SAMMSON: variants seen among roughly 807,000 people sequenced by gnomAD.
The protein encoded by SAMMSON is survival associated mitochondrial melanoma specific oncogenic non-coding RNA, also known as long intergenic non-protein coding RNA 1212.
intron 9 of SAMMSON, among the ~76,000 whole-genome samples, chr3:70,385,383 G>A (rs1559578043): frequency 6.6e-6 from 1 of 152,098 alleles, no homozygotes; most frequent in Non-Finnish European, 1.5e-5. Context: ...ACAGCTATTA[G>A]CCTCAGAACA....
At chr3:70,312,094 A>C (rs1164025283) in intron 7 of SAMMSON, 5 of 390,392 alleles carry the variant, frequency 1.3e-5, no homozygotes, top group Non-Finnish European at 2.3e-5. Context: ...ATAGTTTTTC[A>C]GTTCACTGTC....
At chr3:70,382,379 C>G (rs2106752492) in intron 9 of SAMMSON, among the ~76,000 whole-genome samples, 2 of 152,178 alleles carry the variant, frequency 1.3e-5, no homozygotes, top group African/African-American at 4.8e-5. Context: ...CTTAAGCACT[C>G]AGGTTACATC....
At chr3:70,410,817 C>T (rs1701212089) in intron 2 of SAMMSON, among the ~76,000 whole-genome samples, 1 of 152,130 alleles carries the variant, frequency 6.6e-6, no homozygotes, top group Non-Finnish European at 1.5e-5. Flanking sequence ...GAAGTTATTA[C>T]TAGGGCTTGC....
chr3:70,268,847 A>G (rs1478673097), intron 6 of SAMMSON, among the ~76,000 whole-genome samples: 1 of 152,212 alleles, frequency 6.6e-6, no homozygotes, highest in East Asian at 1.9e-4. Context: ...TTTTGTATCA[A>G]TAAATTTATA....
intron 4 of SAMMSON, among the ~76,000 whole-genome samples, chr3:70,155,875 C>A (rs1387698480): frequency 1.3e-5 from 2 of 151,984 alleles, no homozygotes; most frequent in African/African-American, 4.8e-5. Flanking sequence ...GGTGTTAGAG[C>A]TCCTCAAATA....
At position 70,127,851 on chromosome 3, in the gene SAMMSON, A is replaced by G. The variant is rs559601866; in HGVS notation, n.507+56286A>G. The stretch of plus-strand genomic sequence containing the variant: ...GAGATGAAGTTTCACCATGTTGGCC[A>G]GGCTGGTCGCTAACTCCTGACCTAA... On this transcript the variant is annotated intron_variant and non_coding_transcript_variant, in intron 4 of 9. Coordinates refer to ENST00000642114, the Ensembl canonical transcript of SAMMSON. 5.9e-5 allele frequency: 9 copies of G among 152,376 alleles called. No homozygotes were observed. The East Asian group carries it at 1.2e-3, about 20-fold the overall frequency. 9.4% of individuals were successfully genotyped at this position (152,376 alleles called of 1,614,324 possible). A position where few individuals can be genotyped will look rare whatever the true frequency, so the allele number is the denominator to read the frequency against.
chr3:70,113,640 A>G (rs903516538), intron 4 of SAMMSON, among the ~76,000 whole-genome samples: 6 of 152,182 alleles, frequency 3.9e-5, no homozygotes, highest in African/African-American at 1.4e-4. Flanking sequence ...TTTGGAAGTC[A>G]TATTTGGTAC....
intron 7 of SAMMSON, among the ~76,000 whole-genome samples, chr3:70,306,478 T>C (rs780478756): frequency 2.6e-5 from 4 of 152,046 alleles, no homozygotes; most frequent in Non-Finnish European, 5.9e-5. Flanking sequence ...GAAGCTATAC[T>C]TAATTCAAAA....
In SAMMSON at chr3:70,125,478, A is replaced by G; in HGVS notation, n.507+53913A>G. ...ATACATTCCGATGGCATTTCATCAG[A>G]GTCTTTTTTAATCTCTTCTGTGATG... On this transcript the variant is annotated intron_variant and non_coding_transcript_variant, in intron 4 of 9. Transcript: ENST00000642114. 3 of 777,550 alleles carry G rather than the reference A, an allele frequency of 3.9e-6. No homozygotes were observed. The South Asian group carries it at 4.6e-5, about 12-fold the overall frequency. 48.2% of individuals were successfully genotyped at this position (777,550 alleles called of 1,614,324 possible).
chr3:70,329,017 G>A (rs1702601401), intron 7 of SAMMSON, among the ~76,000 whole-genome samples: 1 of 152,058 alleles, frequency 6.6e-6, no homozygotes, highest in Non-Finnish European at 1.5e-5. Flanking sequence ...AGACAGTTGT[G>A]CAACTTTTTT....
intron 7 of SAMMSON, among the ~76,000 whole-genome samples, chr3:70,333,067 A>G (rs990777797): frequency 6.6e-6 from 1 of 152,098 alleles, no homozygotes; most frequent in Non-Finnish European, 1.5e-5. Context: ...CTTGGTCACA[A>G]ATTCCTTTAT....
chr3:70,364,080 T>C (rs1243457476), intron 9 of SAMMSON, among the ~76,000 whole-genome samples: 1 of 151,914 alleles, frequency 6.6e-6, no homozygotes, highest in Admixed American at 6.6e-5. Context: ...TTTCTATCAT[T>C]CCTACAATGT....
rs1271311109 is a variant in SAMMSON at position 70,287,679 on chromosome 3, G to A, written n.675-3500G>A. Among the ~76,000 whole-genome samples, 491 of 151,520 alleles carry A rather than the reference G, an allele frequency of 3.2e-3. 6 individuals carry two copies. The highest frequency in any genetic ancestry group is 0.011 in the African/African-American group (467 of 41,278). ...TCTGGTAGAATTTGGCTGTGAATCC[G>A]TCTGGTCCTGGACTCTTTTTGGTTG... On this transcript the variant is annotated intron_variant and non_coding_transcript_variant, in intron 6 of 9. Coordinates refer to ENST00000642114, the Ensembl canonical transcript of SAMMSON.
chr3:70,022,408 A>T (rs1427499470), intron 3 of SAMMSON, among the ~76,000 whole-genome samples: 1 of 141,868 alleles, frequency 7.0e-6, no homozygotes, highest in African/African-American at 2.8e-5. Flanking sequence ...ATGTACCCTA[A>T]AACTTAAAGT....
chr3:70,014,940 G>A (rs1310891129), intron 3 of SAMMSON: 1 of 152,060 alleles, frequency 6.6e-6, no homozygotes, highest in African/African-American at 2.4e-5. Context: ...ACGAACTTAT[G>A]TTACCAATCA....
chr3:70,049,526 T>C (rs966400773), intron 3 of SAMMSON, among the ~76,000 whole-genome samples: 1 of 152,132 alleles, frequency 6.6e-6, no homozygotes, highest in Admixed American at 6.6e-5. Context: ...CTTTAAGTCT[T>C]AAGAATATCT....
intron 4 of SAMMSON, among the ~76,000 whole-genome samples, chr3:70,201,207 C>A (rs1701234759): frequency 6.6e-6 from 1 of 152,012 alleles, no homozygotes; most frequent in African/African-American, 2.4e-5. Flanking sequence ...CACCCTCCAC[C>A]CTCCAATAAG....
chr3:70,025,443 A>G (rs1276364118), intron 3 of SAMMSON, among the ~76,000 whole-genome samples: 1 of 152,138 alleles, frequency 6.6e-6, no homozygotes. Context: ...GGGTTTCACC[A>G]TGCTGACCAG....
intron 4 of SAMMSON, among the ~76,000 whole-genome samples, chr3:70,098,644 G>A (rs2106652520): frequency 6.6e-6 from 1 of 152,178 alleles, no homozygotes; most frequent in South Asian, 2.1e-4. Flanking sequence ...TGGGATTACA[G>A]GTGTGAGCCA....
Sources: gnomAD v4.1 joint callset for allele counts (sites outside exome capture counted in the v4.1 genomes callset) on GRCh38, gnomAD v4.1.1 for gene constraint, MANE v1.5 for transcripts, NCBI Gene and HGNC (gene_info 2026-07-23, HGNC 2026-07-21) for gene names.